The following DNAH11 variants were observed in gnomAD, a reference collection of about 807,000 sequenced individuals.
DNAH11 encodes the protein axonemal beta dynein heavy chain 11.
A neutral mutation model predicts 526.0 loss-of-function variants in DNAH11; 442 were observed. The observed-to-expected ratio is 0.84, with a 90% confidence interval of 0.78 to 0.91. The LOEUF (loss-of-function observed/expected upper bound fraction) is 0.91. Among genes scored for constraint, DNAH11 ranks in the 40% least tolerant of loss-of-function variants. The probability of loss-of-function intolerance (pLI) is 0.00; values close to 1 mark genes in which losing one functional copy is unlikely to be tolerated. For synonymous variants in DNAH11, 2,461 were observed against 1,935.9 expected, an observed-to-expected ratio of 1.27 and a Z score of -7.12; for missense variants, 6,989 against 5,448.7, an observed-to-expected ratio of 1.28 and a Z score of -8.90.
chr7:21,877,518 C>A (rs1783760348), intron 74 of DNAH11, among the ~76,000 whole-genome samples: 1 of 152,152 alleles, frequency 6.6e-6, no homozygotes, highest in Non-Finnish European at 1.5e-5. Flanking sequence ...TAAATTTAAT[C>A]AAGTGGCTGG....
intron 42 of DNAH11, among the ~76,000 whole-genome samples, chr7:21,717,415 C>T (rs995100724): frequency 1.3e-5 from 2 of 152,118 alleles, no homozygotes; most frequent in African/African-American, 2.4e-5. Context: ...CAAGAAAAAT[C>T]ACAAGCTGTT....
At chr7:21,891,749 C>G (rs1463687613) in intron 76 of DNAH11, among the ~76,000 whole-genome samples, 1 of 152,140 alleles carries the variant, frequency 6.6e-6, no homozygotes, top group East Asian at 1.9e-4. Context: ...CTCTCAGGGT[C>G]TGTGGATCCT....
At chr7:21,639,409 G>T (rs1422598186) in intron 28 of DNAH11, among the ~76,000 whole-genome samples, 3 of 152,140 alleles carry the variant, frequency 2.0e-5, no homozygotes, top group Admixed American at 1.3e-4. Context: ...AGGGGAGAAA[G>T]GGTCACTTGG....
chr7:21,588,295 G>C, intron 10 of DNAH11, 94 bp downstream of exon 10: 1 of 1,437,894 alleles, frequency 7.0e-7, no homozygotes, highest in Non-Finnish European at 9.3e-7. Context: ...CTAAAGATTA[G>C]ATATAGGCAC....
At chr7:21,597,722 T>G (rs950959026) in intron 14 of DNAH11, among the ~76,000 whole-genome samples, 1 of 152,172 alleles carries the variant, frequency 6.6e-6, no homozygotes, top group Non-Finnish European at 1.5e-5. Flanking sequence ...TCCCAACACA[T>G]GGAGATTACA....
At chr7:21,621,874 C>T (rs1020022246) in intron 25 of DNAH11, among the ~76,000 whole-genome samples, 13 of 152,108 alleles carry the variant, frequency 8.5e-5, no homozygotes, top group Non-Finnish European at 1.2e-4. Context: ...ACTGAATGGG[C>T]GAAAACTGGA....
At chr7:21,803,655 T>A (rs1024206085) in intron 62 of DNAH11, among the ~76,000 whole-genome samples, 2 of 151,050 alleles carry the variant, frequency 1.3e-5, no homozygotes, top group African/African-American at 4.9e-5. Flanking sequence ...CATTGAAGTC[T>A]GGAAAAGTGG....
At chr7:21,864,163 C>T (rs1783177976) in intron 69 of DNAH11, among the ~76,000 whole-genome samples, 1 of 152,138 alleles carries the variant, frequency 6.6e-6, no homozygotes, top group Non-Finnish European at 1.5e-5. Flanking sequence ...ACTGGTTCTA[C>T]CTTCTGTTTA....
At chr7:21,577,691 C>T (rs776773321) in intron 8 of DNAH11, among the ~76,000 whole-genome samples, 17 of 152,110 alleles carry the variant, frequency 1.1e-4, no homozygotes, top group African/African-American at 3.6e-4. Context: ...ACTTCTGTCT[C>T]TATTGTAATG....
intron 54 of DNAH11, among the ~76,000 whole-genome samples, chr7:21,765,079 G>C (rs1464736508): frequency 6.6e-6 from 1 of 152,172 alleles, no homozygotes; most frequent in Non-Finnish European, 1.5e-5. Context: ...TGGTATTATT[G>C]TATCATGGTG....
intron 79 of DNAH11, among the ~76,000 whole-genome samples, chr7:21,897,163 C>A (rs1272559441): frequency 6.6e-6 from 1 of 152,078 alleles, no homozygotes; most frequent in Non-Finnish European, 1.5e-5. Context: ...TTTATAATTT[C>A]CTGTTTTCGT....
chr7:21,658,850 A>G lies in DNAH11; in HGVS notation c.5147A>G (p.His1716Arg), dbSNP rs74760422. The G allele has an allele frequency of 1.1e-4, 177 of 1,605,078 alleles. 1 individual carries two copies. In the East Asian group the frequency reaches 3.9e-3, roughly 36 times the overall value. Residue 1716 changes from histidine (H) to arginine (R), a missense_variant, in exon 30 of 82, where the codon CAT becomes CGT. By Grantham distance (29) the His-to-Arg change is conservative. Transcript: ENST00000409508. ...LEQTMQETVR[H>R]SITEAIVAYE... is the part of the protein sequence containing the mutation. ...CAGACTATGCAAGAAACGGTGCGTC[A>G]TTCTATAACAGAAGCCATAGTGGCC...
chr7:21,841,090 A>T (rs529447378), intron 65 of DNAH11, among the ~76,000 whole-genome samples: 1 of 152,110 alleles, frequency 6.6e-6, no homozygotes, highest in African/African-American at 2.4e-5. Flanking sequence ...AGGCTGAGGC[A>T]CAAGAATGAC....
At chr7:21,829,398 A>G (rs936156292) in intron 65 of DNAH11, among the ~76,000 whole-genome samples, 1 of 152,192 alleles carries the variant, frequency 6.6e-6, no homozygotes, top group Non-Finnish European at 1.5e-5. Context: ...AGAACCTTCA[A>G]TATAATAATA....
intron 8 of DNAH11, among the ~76,000 whole-genome samples, chr7:21,577,571 A>G (rs561470687): frequency 6.6e-6 from 1 of 152,118 alleles, no homozygotes; most frequent in Non-Finnish European, 1.5e-5. Flanking sequence ...GGCCACCTGC[A>G]CTTGTGGCAG....
intron 48 of DNAH11, among the ~76,000 whole-genome samples, chr7:21,740,616 T>C (rs2906688): frequency 0.095 from 14,385 of 152,210 alleles, 1,349 homozygotes; most frequent in African/African-American, 0.24. Flanking sequence ...TCCTTAGTTA[T>C]TCATTCGTTG....
intron 65 of DNAH11, among the ~76,000 whole-genome samples, chr7:21,827,934 C>T (rs1173215311): frequency 1.3e-5 from 2 of 151,408 alleles, no homozygotes; most frequent in Admixed American, 6.6e-5. Flanking sequence ...TGGAAGCTTA[C>T]GGATTTTTTT....
chr7:21,648,978 T>G (rs548737498), intron 28 of DNAH11, among the ~76,000 whole-genome samples: 99 of 152,204 alleles, frequency 6.5e-4, no homozygotes, highest in Middle Eastern at 3.2e-3. Context: ...TCTCTTTACT[T>G]AAAATACTCT....
intron 9 of DNAH11, among the ~76,000 whole-genome samples, chr7:21,584,478 G>C (rs1401669978): frequency 6.6e-6 from 1 of 152,134 alleles, no homozygotes; most frequent in East Asian, 1.9e-4. Flanking sequence ...ACCCAATGTA[G>C]ATGATGGGTT....
Sources: allele counts gnomAD v4.1 joint callset (sites outside exome capture counted in the v4.1 genomes callset), GRCh38; gene constraint gnomAD v4.1.1; transcripts MANE v1.5; gene names NCBI Gene and HGNC (gene_info 2026-07-23, HGNC 2026-07-21).